STRN3: variants seen among roughly 807,000 people sequenced by gnomAD.
The protein encoded by STRN3 is striatin 3, also known as striatin-3.
A neutral mutation model predicts 95.6 loss-of-function variants in STRN3; 29 were observed. That is an observed-to-expected ratio of 0.30 (90% CI 0.23 to 0.41). The LOEUF (loss-of-function observed/expected upper bound fraction) is 0.41, where lower values mean the gene tolerates loss of function less well. STRN3 is among the 10% of genes least tolerant of loss of function. The probability of loss-of-function intolerance (pLI) is 1.00; values close to 1 mark genes in which losing one functional copy is unlikely to be tolerated. For synonymous variants in STRN3, 331 were observed against 357.6 expected (o/e 0.93, Z 0.84); for missense variants, 890 against 972.1 (o/e 0.92, Z 1.12).
chr14:30,988,372 C>A (rs1566477532), intron 1 of STRN3, among the ~76,000 whole-genome samples: 1 of 152,156 alleles, frequency 6.6e-6, no homozygotes, highest in Non-Finnish European at 1.5e-5. Flanking sequence ...AAGCTTATCT[C>A]TTTATGCCCC....
chr14:30,928,081 A>G (rs1028533405), intron 8 of STRN3, among the ~76,000 whole-genome samples: 22 of 152,164 alleles, frequency 1.4e-4, no homozygotes, highest in African/African-American at 5.3e-4. Context: ...ACCCCAGCCC[A>G]GTATCAAATG....
chr14:30,933,269 A>C (rs1280568514), intron 7 of STRN3, among the ~76,000 whole-genome samples: 1 of 92,754 alleles, frequency 1.1e-5, no homozygotes, highest in Non-Finnish European at 2.0e-5. Context: ...ATAAAGCGAG[A>C]CCCTGTTTCA....
intron 15 of STRN3, among the ~76,000 whole-genome samples, chr14:30,902,952 A>G (rs1303941128): frequency 6.6e-6 from 1 of 152,186 alleles, no homozygotes; most frequent in Non-Finnish European, 1.5e-5. Context: ...TCTAATACAC[A>G]GTCCATATAA....
intron 1 of STRN3, chr14:31,014,827 A>C (rs1395163244): frequency 1.9e-5 from 8 of 420,606 alleles, no homozygotes; most frequent in Non-Finnish European, 3.7e-5. Context: ...AAAAAAAAAA[A>C]AAACAGGGTC....
chr14:31,006,641 G>C (rs1032945472), intron 1 of STRN3, among the ~76,000 whole-genome samples: 5 of 152,130 alleles, frequency 3.3e-5, no homozygotes, highest in Admixed American at 3.3e-4. Flanking sequence ...GTTGCAGTGA[G>C]CTGAGATCGC....
chr14:31,019,064 C>T (rs1883379188), intron 1 of STRN3, among the ~76,000 whole-genome samples: 1 of 152,124 alleles, frequency 6.6e-6, no homozygotes, highest in Non-Finnish European at 1.5e-5. Context: ...AATCCCAGCA[C>T]TCCTGAGATG....
In STRN3 at chr14:30,962,928, T is replaced by C. The variant is rs563467005; in HGVS notation, c.283-6686A>G. ...TATAGTATTCAGTACAGTAACATGCTATACAGGTTTGTGGTCTCAGAATAG... is the reference window on the plus strand; with the variant it reads ...TATAGTATTCAGTACAGTAACATGCCATACAGGTTTGTGGTCTCAGAATAG... On this transcript the variant is annotated intron_variant, in intron 1 of 17. Transcript: ENST00000357479. 5.3e-5 allele frequency among the ~76,000 whole-genome samples: 8 copies of C among 152,312 alleles called. No homozygotes were observed. In the South Asian group the frequency reaches 1.7e-3, roughly 32 times the overall value.
At chr14:31,013,962 G>A (rs2139330932) in intron 1 of STRN3, among the ~76,000 whole-genome samples, 1 of 142,602 alleles carries the variant, frequency 7.0e-6, no homozygotes, top group Middle Eastern at 3.5e-3. Flanking sequence ...GAGTGCAGTG[G>A]TGAGATCATG....
intron 16 of STRN3, among the ~76,000 whole-genome samples, chr14:30,898,444 C>T (rs903419410): frequency 1.3e-5 from 2 of 152,208 alleles, no homozygotes; most frequent in African/African-American, 4.8e-5. Flanking sequence ...AGCTCTCCAG[C>T]CTGTGCACTA....
At chr14:30,983,469 A>AG (rs1422486468) in intron 1 of STRN3, among the ~76,000 whole-genome samples, 1 of 152,206 alleles carries the variant, frequency 6.6e-6, no homozygotes, top group Admixed American at 6.5e-5. Context: ...CGCTTGAACC[A>AG]GGGAGGTGGA....
At chr14:30,955,493 C>T in intron 3 of STRN3, 127 bp downstream of exon 3, 1 of 727,512 alleles carries the variant, frequency 1.4e-6, no homozygotes, top group Non-Finnish European at 2.1e-6. Context: ...TATTTTTTCC[C>T]AAATTCTAGA....
At chr14:30,981,137 T>G (rs1275441033) in intron 1 of STRN3, among the ~76,000 whole-genome samples, 1 of 150,710 alleles carries the variant, frequency 6.6e-6, no homozygotes, top group Non-Finnish European at 1.5e-5. Flanking sequence ...CAAAGCAAGA[T>G]CTTGTCTCTA....
chr14:30,941,020 A>G (rs1879066175), intron 5 of STRN3, among the ~76,000 whole-genome samples: 1 of 152,180 alleles, frequency 6.6e-6, no homozygotes, highest in Non-Finnish European at 1.5e-5. Context: ...CCCTTATAAA[A>G]GAGGCCCAAA....
intron 1 of STRN3, chr14:31,018,524 A>G (rs2139346681): frequency 4.7e-6 from 2 of 426,668 alleles, no homozygotes; most frequent in South Asian, 3.4e-5. Flanking sequence ...CGAAACAACT[A>G]TGGTAAAGGA....
At chr14:31,006,782 G>A (rs1010519982) in intron 1 of STRN3, among the ~76,000 whole-genome samples, 1 of 152,194 alleles carries the variant, frequency 6.6e-6, no homozygotes, top group Non-Finnish European at 1.5e-5. Context: ...TTTTGAAAGA[G>A]ACATGAAAGT....
chr14:30,982,823 G>A (rs1428127281), intron 1 of STRN3, among the ~76,000 whole-genome samples: 1 of 151,976 alleles, frequency 6.6e-6, no homozygotes, highest in Non-Finnish European at 1.5e-5. Context: ...GGAGTGCAGT[G>A]GTGCCGATCA....
At chr14:30,969,750 T>C (rs1880729899) in intron 1 of STRN3, among the ~76,000 whole-genome samples, 1 of 152,220 alleles carries the variant, frequency 6.6e-6, no homozygotes, top group African/African-American at 2.4e-5. Context: ...TTAGAAATTA[T>C]ATACTTGGTT....
intron 1 of STRN3, among the ~76,000 whole-genome samples, chr14:30,960,368 T>C (rs76445004): frequency 0.033 from 5,012 of 152,120 alleles, 291 homozygotes; most frequent in African/African-American, 0.11. Context: ...TTTGCTCTAC[T>C]AAACAATAAG....
intron 8 of STRN3, among the ~76,000 whole-genome samples, chr14:30,921,065 T>TATACACACAC (rs1555316353): frequency 1.1e-5 from 1 of 89,198 alleles, no homozygotes; most frequent in African/African-American, 3.8e-5. Context: ...TTTCTACACA[T>TATACACACAC]ACATATACAC....
Sources: allele counts gnomAD v4.1 joint callset (sites outside exome capture counted in the v4.1 genomes callset), GRCh38; gene constraint gnomAD v4.1.1; transcripts MANE v1.5; gene names NCBI Gene and HGNC (gene_info 2026-07-23, HGNC 2026-07-21).